Variants in GM2A observed in about 807,000 individuals in gnomAD.
GM2A encodes the protein ganglioside GM2 activator, also known as GM2 ganglioside activator.
A neutral mutation model predicts 12.9 loss-of-function variants in GM2A; 7 were observed. The ratio of observed to expected loss-of-function variants is 0.54; its 90% confidence interval spans 0.31 to 1.02. The LOEUF (loss-of-function observed/expected upper bound fraction) is 1.02, where lower values mean the gene tolerates loss of function less well. Among genes scored for constraint, GM2A ranks in the 50% least tolerant of loss-of-function variants. GM2A has a pLI of 0.05. For missense variants in GM2A, 246 were observed against 241.0 expected (o/e 1.02, Z -0.14); for synonymous variants, 101 against 96.0 (o/e 1.05, Z -0.30).
Position 151,268,485 on chromosome 5 carries a change from A to G in GM2A, c.*1034A>G, listed in dbSNP as rs1753941053. 1.0e-6 allele frequency: 1 copy of G among 985,422 alleles called. No homozygotes were observed. The highest frequency in any genetic ancestry group is 1.2e-6 in the Non-Finnish European group (1 of 829,942). 61.0% of individuals were successfully genotyped at this position (985,422 alleles called of 1,614,324 possible). ...CTTTTTGATTAAAGATGCTATTACA[A>G]TGTAAATATTTCTTACACAGAAAGT... On this transcript the variant is annotated 3_prime_UTR_variant, in exon 4 of 4. Transcript: ENST00000357164.
chr5:151,266,323 A>G (rs1205658698), intron 2 of GM2A, among the ~76,000 whole-genome samples: 1 of 152,032 alleles, frequency 6.6e-6, no homozygotes, highest in African/African-American at 2.4e-5. Context: ...TACAAAAAAT[A>G]CAAAATTAGC....
chr5:151,253,359 G>A, intron 1 of GM2A, 62 bp downstream of exon 1: 1 of 1,243,026 alleles, frequency 8.0e-7, no homozygotes, highest in African/African-American at 1.5e-5. Flanking sequence ...GGGTGTGCGG[G>A]TCTGGCTGAG....
At chr5:151,253,681 C>G (rs1054239528) in intron 1 of GM2A, among the ~76,000 whole-genome samples, 4 of 152,054 alleles carry the variant, frequency 2.6e-5, no homozygotes, top group African/African-American at 9.7e-5. Context: ...TCATCTCTTC[C>G]CCTGCTCGAA....
chr5:151,256,618 A>AAG (rs1397720360), intron 1 of GM2A, among the ~76,000 whole-genome samples: 2 of 151,590 alleles, frequency 1.3e-5, no homozygotes, highest in Admixed American at 1.3e-4. Context: ...GAAAAAAAAA[A>AAG]AAAAAAGAAA....
Position 151,253,235 on chromosome 5 carries a change from G to C in GM2A, c.19G>C (p.Ala7Pro), listed in dbSNP as rs1290468234. ...CTTCCCGATGCAGTCCCTGATGCAG[G>C]CTCCCCTCCTGATCGCCCTGGGCTT... is the stretch of plus-strand genomic sequence containing the variant. MQSLMQAPLLIALGLLL... is the reference protein window; with the variant it reads MQSLMQPPLLIALGLLL... The change falls in exon 1 of 4, where the codon GCT becomes CCT. Residue 7 changes from alanine to proline, a missense_variant. Coordinates refer to ENST00000357164, the MANE Select transcript of GM2A (RefSeq NM_000405.5). The C allele has an allele frequency of 6.2e-7, 1 of 1,613,988 alleles. No individual in the cohort carries two copies. The highest frequency in any genetic ancestry group is 1.7e-5 in the Admixed American group (1 of 60,030).
At chr5:151,254,666 C>A (rs569279099) in intron 1 of GM2A, among the ~76,000 whole-genome samples, 92 of 152,286 alleles carry the variant, frequency 6.0e-4, no homozygotes, top group African/African-American at 2.1e-3. Context: ...AGAATCATAG[C>A]CTAGCCTACC....
intron 2 of GM2A, among the ~76,000 whole-genome samples, chr5:151,261,499 C>T (rs922018311): frequency 2.0e-5 from 3 of 152,206 alleles, no homozygotes; most frequent in Non-Finnish European, 2.9e-5. Flanking sequence ...AGTGCAGTAG[C>T]GCAATCTCAG....
rs1753946899 is a variant in GM2A, at chr5:151,268,686, A to G, written c.*1235A>G. 2 of 590,340 alleles carry G rather than the reference A, an allele frequency of 3.4e-6. No individual in the cohort carries two copies. The highest frequency in any genetic ancestry group is 2.0e-5 in the African/African-American group (1 of 49,528). 36.6% of individuals were successfully genotyped at this position (590,340 alleles called of 1,614,324 possible). The stretch of plus-strand genomic sequence containing the variant: ...GACAGAGTGAGACTCTGTCTCAAAA[A>G]AAAAGTTTCAATGTTTACTCCTAGA... On this transcript the variant is annotated 3_prime_UTR_variant, in exon 4 of 4. Transcript: ENST00000357164.
chr5:151,266,514 T>C (rs6882156), intron 2 of GM2A, among the ~76,000 whole-genome samples: 2,934 of 151,414 alleles, frequency 0.019, 78 homozygotes, highest in African/African-American at 0.068. Context: ...CACATTTGAT[T>C]ATTAATGTCT....
At chr5:151,253,692 T>A (rs73796647) in intron 1 of GM2A, among the ~76,000 whole-genome samples, 1,675 of 152,170 alleles carry the variant, frequency 0.011, 26 homozygotes, top group African/African-American at 0.037. Context: ...CCTGCTCGAA[T>A]GCCCTGAGGT....
chr5:151,259,400 G>A (rs1287652406), intron 1 of GM2A, among the ~76,000 whole-genome samples: 1 of 152,200 alleles, frequency 6.6e-6, no homozygotes, highest in Non-Finnish European at 1.5e-5. Flanking sequence ...TCCAAGGCTG[G>A]CTGGAGAGGA....
rs371558942 is a variant in GM2A at position 151,266,936 on chromosome 5, G to C, written c.426+23G>C. ...GAAGTAAGTACTTAGGGAGGAGAGA[G>C]CGTTACCCCTGTGGCTAAAGAGATG... On this transcript the variant is annotated intron_variant, in intron 3 of 3. Transcript: ENST00000357164. 4.8e-4 allele frequency: 754 copies of C among 1,582,586 alleles called. 3 individuals carry two copies. The highest frequency in any genetic ancestry group is 1.2e-3 in the South Asian group (109 of 90,458).
Position 151,267,573 on chromosome 5 carries a change from C to G in GM2A, c.*122C>G. 6.5e-7 allele frequency: 1 copy of G among 1,547,884 alleles called. No homozygotes were observed. The highest frequency in any genetic ancestry group is 1.7e-4 in the Middle Eastern group (1 of 5,992). On this transcript the variant is annotated 3_prime_UTR_variant, in exon 4 of 4. Coordinates refer to ENST00000357164, the MANE Select transcript of GM2A (RefSeq NM_000405.5). ...TTTAATCCCCTTTCTACAGTGAGTC[C>G]ACTACCCTCACTGAAAATCATTTTG...
At chr5:151,261,682 G>A (rs973224122) in intron 2 of GM2A, among the ~76,000 whole-genome samples, 1 of 149,442 alleles carries the variant, frequency 6.7e-6, no homozygotes, top group Non-Finnish European at 1.5e-5. Flanking sequence ...CAGGCAATGT[G>A]CCTGCCTCGG....
At chr5:151,261,439 T>C (rs941856082) in intron 2 of GM2A, among the ~76,000 whole-genome samples, 1 of 152,180 alleles carries the variant, frequency 6.6e-6, no homozygotes, top group Non-Finnish European at 1.5e-5. Flanking sequence ...TTTGTTTGTT[T>C]GTTTATTTGT....
intron 1 of GM2A, among the ~76,000 whole-genome samples, chr5:151,257,774 G>C (rs1368466497): frequency 2.0e-5 from 3 of 152,178 alleles, no homozygotes; most frequent in African/African-American, 4.8e-5. Context: ...TTTGTGCCTC[G>C]GGGCCTTTGC....
intron 2 of GM2A, among the ~76,000 whole-genome samples, chr5:151,263,572 T>G (rs1323555403): frequency 6.6e-6 from 1 of 152,136 alleles, no homozygotes; most frequent in Non-Finnish European, 1.5e-5. Context: ...ACAAGGCTGG[T>G]ATGTTTATCT....
At chr5:151,266,447 C>CAAAAAAAAAAAAAAAAA (rs59997121) in intron 2 of GM2A, among the ~76,000 whole-genome samples, 9 of 106,136 alleles carry the variant, frequency 8.5e-5, no homozygotes, top group Non-Finnish European at 1.3e-4. Context: ...AGCCATGATA[C>CAAAAAAAAAAAAAAAAA]AAAAAAAAAA....
Position 151,267,844 on chromosome 5 carries a change from C to G in GM2A, c.*393C>G. ...TTTTTTTTTGTCACTAAGTTAAAAG[C>G]GAAGTGAGAGTATTAACGTTTTTGT... On this transcript the variant is annotated 3_prime_UTR_variant, in exon 4 of 4. Coordinates refer to ENST00000357164, the MANE Select transcript of GM2A (RefSeq NM_000405.5). 11 of 1,170,140 alleles carry G rather than the reference C, an allele frequency of 9.4e-6. No homozygotes were observed. The highest frequency in any genetic ancestry group is 1.2e-5 in the Non-Finnish European group (11 of 933,794). 72.5% of individuals were successfully genotyped at this position (1,170,140 alleles called of 1,614,324 possible). A position where few individuals can be genotyped will look rare whatever the true frequency, so the allele number is the denominator to read the frequency against.
Sources: allele counts gnomAD v4.1 joint callset (sites outside exome capture counted in the v4.1 genomes callset), GRCh38; gene constraint gnomAD v4.1.1; transcripts MANE v1.5; gene names NCBI Gene and HGNC (gene_info 2026-07-23, HGNC 2026-07-21).